The following KLHDC4 variants were observed in gnomAD, a reference collection of about 807,000 sequenced individuals.
KLHDC4 encodes kelch domain-containing protein 4.
Under a neutral mutation model 62.4 loss-of-function variants are expected in KLHDC4, and 90 were observed. That is an observed-to-expected ratio of 1.44 (90% CI 1.22 to 1.72). The LOEUF (loss-of-function observed/expected upper bound fraction) is 1.72. Ranked by LOEUF, KLHDC4 falls within the 40% of genes most tolerant of loss-of-function variation. The pLI is 0.00. For synonymous variants in KLHDC4, 386 were observed against 284.4 expected, an observed-to-expected ratio of 1.36 and a Z score of -3.59; for missense variants, 1,025 against 699.7, an observed-to-expected ratio of 1.47 and a Z score of -5.25.
At position 87,726,927 on chromosome 16, in the gene KLHDC4, G is replaced by A. The variant is rs199535708; in HGVS notation, c.600-3C>T. The A allele has an allele frequency of 2.1e-4, 346 of 1,613,694 alleles. No homozygotes were observed. The highest frequency in any genetic ancestry group is 2.7e-4 in the Non-Finnish European group (324 of 1,179,742). On this transcript the variant is annotated splice_region_variant and splice_polypyrimidine_tract_variant and intron_variant, in intron 6 of 11. Coordinates refer to ENST00000270583, the MANE Select transcript of KLHDC4 (RefSeq NM_017566.4). ...CGTCGTTGTAGTAGATGTAATCCCT[G>A]GTTAGAAGAACAGCAGCTGTCAGGG... is the stretch of plus-strand genomic sequence containing the variant.
Position 87,709,479 on chromosome 16 carries a change from G to C in KLHDC4, c.1233C>G (p.Pro411=). Residue 411 remains proline, a synonymous_variant, in exon 10 of 12, where the codon CCC becomes CCG. Coordinates refer to ENST00000270583, the MANE Select transcript of KLHDC4 (RefSeq NM_017566.4). ...CAAGGCTGTCTTCGTCCTCAGACCG[G>C]GGCTGCCCCGCCGAGCCTGGCGCGG... ...VLTAPGSAGQ[P]RSEDEDSLEE... 5.0e-6 allele frequency: 8 copies of C among 1,611,348 alleles called. No individual in the cohort carries two copies. The highest frequency in any genetic ancestry group is 6.8e-6 in the Non-Finnish European group (8 of 1,179,810).
At position 87,726,863 on chromosome 16, in the gene KLHDC4, G is replaced by C; in HGVS notation, c.661C>G (p.Leu221Val). 1 of 1,613,800 alleles carries C rather than the reference G, an allele frequency of 6.2e-7. No homozygotes were observed. Among genetic ancestry groups the C allele is most frequent in the Non-Finnish European group, 8.5e-7 (1 of 1,179,864 alleles). The change falls in exon 7 of 12, where the codon CTG becomes GTG. Residue 221 changes from leucine to valine, a missense_variant. Leu to Val is a conservative substitution (Grantham distance 32). Coordinates refer to ENST00000270583, the MANE Select transcript of KLHDC4 (RefSeq NM_017566.4). ...GTGGGCCCCGTCCCTGACGGGGACA[G>C]CTTGCTCCATGTGAAGGTGTCCAGA... is the stretch of plus-strand genomic sequence containing the variant. ...FNLDTFTWSK[L>V]SPSGTGPTPR... is the part of the protein sequence containing the mutation.
intron 2 of KLHDC4, among the ~76,000 whole-genome samples, chr16:87,758,009 G>A (rs1213146859): frequency 1.3e-5 from 2 of 152,158 alleles, no homozygotes; most frequent in African/African-American, 2.4e-5. Flanking sequence ...CCTCTAAGAC[G>A]GCGTTCCCCA....
intron 4 of KLHDC4, among the ~76,000 whole-genome samples, chr16:87,752,233 C>T (rs2044113463): frequency 6.6e-6 from 1 of 150,420 alleles, no homozygotes. Context: ...ATAGCGAGAC[C>T]CGTTCTCCAC....
intron 2 of KLHDC4, among the ~76,000 whole-genome samples, chr16:87,759,474 C>G (rs1044432460): frequency 6.6e-6 from 1 of 151,206 alleles, no homozygotes; most frequent in African/African-American, 2.4e-5. Flanking sequence ...AGGCCGGGTA[C>G]AGTGGCTCAC....
At chr16:87,714,237 G>A (rs967333432) in intron 8 of KLHDC4, among the ~76,000 whole-genome samples, 1 of 152,224 alleles carries the variant, frequency 6.6e-6, no homozygotes, top group Non-Finnish European at 1.5e-5. Context: ...GCTCCACAGA[G>A]GGCTGTCTGC....
downstream of KLHDC4, among the ~76,000 whole-genome samples, chr16:87,704,188 G>T (rs1053057646): frequency 6.6e-6 from 1 of 152,256 alleles, no homozygotes; most frequent in African/African-American, 2.4e-5. Context: ...GCCACGTCCA[G>T]CGCGGGGTCT....
At chr16:87,738,561 A>T (rs1371372256) in intron 5 of KLHDC4, among the ~76,000 whole-genome samples, 1 of 148,836 alleles carries the variant, frequency 6.7e-6, no homozygotes, top group Admixed American at 6.7e-5. Context: ...CCTCATCCAC[A>T]CACCAGCACC....
At chr16:87,712,842 G>A (rs1032091462) in intron 8 of KLHDC4, among the ~76,000 whole-genome samples, 1 of 152,204 alleles carries the variant, frequency 6.6e-6, no homozygotes, top group Non-Finnish European at 1.5e-5. Flanking sequence ...AAGCAGACCT[G>A]GCCTAGGCAT....
chr16:87,714,433 G>A (rs2036524286), intron 8 of KLHDC4, 65 bp downstream of exon 8: 16 of 1,602,758 alleles, frequency 1.0e-5, no homozygotes, highest in South Asian at 6.7e-5. Flanking sequence ...ATGGGAGGGT[G>A]TGGGCTCTGC....
chr16:87,711,484 A>T, intron 8 of KLHDC4, 41 bp from the exon 9 acceptor site: 1 of 1,550,986 alleles, frequency 6.4e-7, no homozygotes, highest in East Asian at 2.3e-5. Context: ...GAACACAAGG[A>T]AGGACCCTGA....
intron 4 of KLHDC4, chr16:87,750,088 C>T (rs898657980): frequency 6.6e-6 from 1 of 152,238 alleles, no homozygotes; most frequent in African/African-American, 2.4e-5. Flanking sequence ...CTCCGTGGCC[C>T]ACTCCCTCTC....
At chr16:87,755,342 G>T (rs374485197) in intron 3 of KLHDC4, 50 bp from the exon 4 acceptor site, 17 of 952,508 alleles carry the variant, frequency 1.8e-5, no homozygotes, top group Non-Finnish European at 2.7e-5. Context: ...CGCTTCCAAG[G>T]AAGTGGTGAG....
At chr16:87,745,641 G>GC (rs1401420449) in intron 5 of KLHDC4, among the ~76,000 whole-genome samples, 8 of 152,344 alleles carry the variant, frequency 5.3e-5, no homozygotes, top group South Asian at 2.1e-4. Context: ...AACTGTCACC[G>GC]CAAGAGAAGC....
chr16:87,734,699 C>G (rs1268777428), intron 5 of KLHDC4, among the ~76,000 whole-genome samples: 1 of 152,198 alleles, frequency 6.6e-6, no homozygotes, highest in Non-Finnish European at 1.5e-5. Flanking sequence ...TTGGGGTGGC[C>G]TCTTCACATA....
chr16:87,709,992 A>C, intron 9 of KLHDC4: 1 of 324,170 alleles, frequency 3.1e-6, no homozygotes, highest in Non-Finnish European at 5.7e-6. Flanking sequence ...CCAGCCCCAC[A>C]GGCTCCGACG....
chr16:87,724,927 G>C (rs974011401), intron 7 of KLHDC4, among the ~76,000 whole-genome samples: 1 of 152,208 alleles, frequency 6.6e-6, no homozygotes, highest in East Asian at 1.9e-4. Context: ...TCCAAAGGCT[G>C]TGTCTTCTGA....
At chr16:87,713,972 G>A (rs1820278949) in intron 8 of KLHDC4, among the ~76,000 whole-genome samples, 1 of 152,122 alleles carries the variant, frequency 6.6e-6, no homozygotes, top group South Asian at 2.1e-4. Flanking sequence ...GTCCCTGTGA[G>A]GGCCAATAGC....
intron 2 of KLHDC4, among the ~76,000 whole-genome samples, chr16:87,757,987 T>TCCC (rs1274659128): frequency 6.6e-6 from 1 of 152,122 alleles, no homozygotes; most frequent in Non-Finnish European, 1.5e-5. Context: ...GGAAAGATCC[T>TCCC]CCCTTCAGAG....
Sources: gnomAD v4.1 joint callset for allele counts (sites outside exome capture counted in the v4.1 genomes callset) on GRCh38, gnomAD v4.1.1 for gene constraint, MANE v1.5 for transcripts, NCBI Gene and HGNC (gene_info 2026-07-23, HGNC 2026-07-21) for gene names.